AK4: variants seen among roughly 807,000 people sequenced by gnomAD.
The protein encoded by AK4 is adenylate kinase 4.
In AK4, 13 loss-of-function variants were observed where a neutral mutation model predicts 24.6. That is an observed-to-expected ratio of 0.53 (90% CI 0.34 to 0.84). The LOEUF (loss-of-function observed/expected upper bound fraction) is 0.84. Ranked by LOEUF, AK4 falls within the 40% of genes least tolerant of loss-of-function variation. The pLI is 0.01. For synonymous variants in AK4, 88 were observed against 107.0 expected, an observed-to-expected ratio of 0.82 and a Z score of 1.10; for missense variants, 192 against 288.2, an observed-to-expected ratio of 0.67 and a Z score of 2.42.
At chr1:65,174,797 A>G (rs886879837) in intron 1 of AK4, among the ~76,000 whole-genome samples, 2 of 152,212 alleles carry the variant, frequency 1.3e-5, no homozygotes, top group Non-Finnish European at 2.9e-5. Context: ...AGTTACTCAA[A>G]CACTTTCTAT....
chr1:65,219,194 AT>A (rs1652223232), intron 3 of AK4, among the ~76,000 whole-genome samples: 1 of 151,290 alleles, frequency 6.6e-6, no homozygotes, highest in Non-Finnish European at 1.5e-5. Context: ...TATGTATACA[AT>A]GTATATAATT....
At chr1:65,171,041 TC>T (rs1296751976) in intron 1 of AK4, among the ~76,000 whole-genome samples, 2 of 142,726 alleles carry the variant, frequency 1.4e-5, no homozygotes, top group African/African-American at 5.2e-5. Flanking sequence ...TACTGCTGCC[TC>T]CACCTGTCAC....
At chr1:65,195,157 C>T (rs1269357489) in intron 2 of AK4, among the ~76,000 whole-genome samples, 1 of 152,096 alleles carries the variant, frequency 6.6e-6, no homozygotes, top group Non-Finnish European at 1.5e-5. Flanking sequence ...GATGAGAAGG[C>T]TCACACAAGA....
chr1:65,202,380 G>T (rs1296771616), intron 2 of AK4, among the ~76,000 whole-genome samples: 2 of 152,144 alleles, frequency 1.3e-5, no homozygotes, highest in Non-Finnish European at 2.9e-5. Context: ...CTGGGCAACT[G>T]AGTGAGACTC....
chr1:65,219,439 A>G (rs768727241), intron 3 of AK4, among the ~76,000 whole-genome samples: 3 of 152,168 alleles, frequency 2.0e-5, no homozygotes, highest in East Asian at 3.8e-4. Context: ...GCTTGTTTCA[A>G]TGTTGCTGTA....
intron 1 of AK4, among the ~76,000 whole-genome samples, chr1:65,158,080 T>C (rs1390504962): frequency 6.6e-6 from 1 of 152,180 alleles, no homozygotes; most frequent in Admixed American, 6.5e-5. Flanking sequence ...CTAATGATAT[T>C]GTCAAAGGAA....
chr1:65,166,124 G>C (rs1361995830), intron 1 of AK4: 1 of 152,194 alleles, frequency 6.6e-6, no homozygotes, highest in Non-Finnish European at 1.5e-5. Flanking sequence ...AACTTTGGGG[G>C]AAGTTAATTA....
At chr1:65,221,221 G>C (rs1652285538) in intron 3 of AK4, among the ~76,000 whole-genome samples, 1 of 152,092 alleles carries the variant, frequency 6.6e-6, no homozygotes, top group Admixed American at 6.5e-5. Flanking sequence ...GCCAGTTTTG[G>C]GTGGTAGATA....
chr1:65,171,016 G>A (rs919659995), intron 1 of AK4, among the ~76,000 whole-genome samples: 9 of 148,616 alleles, frequency 6.1e-5, no homozygotes, highest in Non-Finnish European at 1.3e-4. Context: ...GGAGTGCAGT[G>A]GCACGATCAT....
At chr1:65,153,186 T>C (rs775393018) in intron 1 of AK4, among the ~76,000 whole-genome samples, 2 of 152,222 alleles carry the variant, frequency 1.3e-5, no homozygotes, top group African/African-American at 2.4e-5. Context: ...ACACTATTTG[T>C]GACTTGAATA....
At chr1:65,196,014 G>A (rs1443032106) in intron 2 of AK4, among the ~76,000 whole-genome samples, 1 of 152,128 alleles carries the variant, frequency 6.6e-6, no homozygotes, top group Non-Finnish European at 1.5e-5. Context: ...GATTTGGTTA[G>A]TATTTTTCTC....
At chr1:65,167,494 G>T (rs1650370163) in intron 1 of AK4, among the ~76,000 whole-genome samples, 1 of 149,442 alleles carries the variant, frequency 6.7e-6, no homozygotes, top group Admixed American at 6.6e-5. Flanking sequence ...TACTTTAGTG[G>T]CTTAGTTTAA....
At chr1:65,152,386 T>TA (rs1649826005) in intron 1 of AK4, among the ~76,000 whole-genome samples, 2 of 23,016 alleles carry the variant, frequency 8.7e-5, no homozygotes, top group Non-Finnish European at 1.5e-4. Flanking sequence ...ATATATATAT[T>TA]TTTTTTTTTT....
At chr1:65,150,629 T>C (rs2100974107) in intron 1 of AK4, among the ~76,000 whole-genome samples, 1 of 152,330 alleles carries the variant, frequency 6.6e-6, no homozygotes, top group East Asian at 1.9e-4. Flanking sequence ...TTTATTTTTC[T>C]GTCTGTTACC....
At chr1:65,192,612 A>G (rs760440690) in intron 2 of AK4, among the ~76,000 whole-genome samples, 14 of 152,198 alleles carry the variant, frequency 9.2e-5, no homozygotes, top group Non-Finnish European at 1.6e-4. Context: ...CATCAACTCA[A>G]AAGTCCAAGC....
rs1557444577 is a variant in AK4 at position 65,172,098 on chromosome 1, TATATA to T, written c.146-18611_146-18607del. ...ATATATATATATATATATATATATA[TATATA>T]TTTAAACTCATTACACTTCCCAAAT... is the stretch of plus-strand genomic sequence containing the variant. On this transcript the variant is annotated intron_variant, in intron 1 of 4. Transcript: ENST00000327299. Among the ~76,000 whole-genome samples, 986 of 104,408 alleles carry T rather than the reference TATATA, an allele frequency of 9.4e-3. 22 individuals are homozygous for T. Among genetic ancestry groups the T allele is most frequent in the African/African-American group, 0.035 (933 of 26,852 alleles). The allele number at this position is 104,408 out of a possible 152,430, so 68.5% of individuals were successfully genotyped here. A position where few individuals can be genotyped will look rare whatever the true frequency, so the allele number is the denominator to read the frequency against.
At chr1:65,213,374 G>T (rs1570135735) in intron 2 of AK4, among the ~76,000 whole-genome samples, 1 of 152,302 alleles carries the variant, frequency 6.6e-6, no homozygotes, top group East Asian at 1.9e-4. Flanking sequence ...AGTAGTGGCT[G>T]TGTTGTGCCC....
intron 1 of AK4, 49 bp downstream of exon 1, chr1:65,148,601 G>A (rs1452221750): frequency 6.5e-7 from 1 of 1,549,682 alleles, no homozygotes. Context: ...GTTGGGCTGG[G>A]GTGAGGCCCT....
chr1:65,173,944 G>C (rs11208602), intron 1 of AK4, among the ~76,000 whole-genome samples: 24,370 of 151,802 alleles, frequency 0.16, 2,937 homozygotes, highest in African/African-American at 0.32. Flanking sequence ...GCACAAGGAA[G>C]TTGACATGGC....
Sources: allele counts gnomAD v4.1 joint callset (sites outside exome capture counted in the v4.1 genomes callset), GRCh38; gene constraint gnomAD v4.1.1; transcripts MANE v1.5; gene names NCBI Gene and HGNC (gene_info 2026-07-23, HGNC 2026-07-21).